Variants in ADGRB3 observed in about 807,000 individuals in gnomAD.
ADGRB3 encodes adhesion G protein-coupled receptor B3, also known as brain-specific angiogenesis inhibitor 3.
Under a neutral mutation model 193.4 loss-of-function variants are expected in ADGRB3, and 37 were observed. That is an observed-to-expected ratio of 0.19 (90% CI 0.15 to 0.25). The LOEUF (loss-of-function observed/expected upper bound fraction) is 0.25, where lower values mean the gene tolerates loss of function less well. ADGRB3 is among the 10% of genes least tolerant of loss of function. ADGRB3 has a pLI of 1.00. For synonymous variants in ADGRB3, 690 were observed against 644.2 expected, an observed-to-expected ratio of 1.07 and a Z score of -1.08; for missense variants, 1,637 against 1,852.9, an observed-to-expected ratio of 0.88 and a Z score of 2.14.
intron 20 of ADGRB3, among the ~76,000 whole-genome samples, chr6:69,305,580 A>C (rs193096087): frequency 3.9e-4 from 59 of 151,414 alleles, no homozygotes; most frequent in East Asian, 1.4e-3. Flanking sequence ...AATTAAGAGT[A>C]GTATATCTGA....
intron 17 of ADGRB3, among the ~76,000 whole-genome samples, chr6:69,229,747 T>A (rs1169514738): frequency 6.6e-6 from 1 of 152,194 alleles, no homozygotes; most frequent in Non-Finnish European, 1.5e-5. Flanking sequence ...CTTTTCTCTT[T>A]AATTTTAAAT....
chr6:68,759,590 T>A lies in ADGRB3; in HGVS notation c.757+120158T>A, dbSNP rs371031103. On this transcript the variant is annotated intron_variant, in intron 3 of 31. Coordinates refer to ENST00000370598, the MANE Select transcript of ADGRB3 (RefSeq NM_001704.3). ...TAGAAATTGCCCTTACATTCTCACA[T>A]GGCCTGATTTTATATAAAATTGAGG... 4.6e-5 allele frequency among the ~76,000 whole-genome samples: 7 copies of A among 152,146 alleles called. No individual in the cohort carries two copies. The East Asian group carries it at 5.8e-4, about 13-fold the overall frequency.
At chr6:69,122,323 C>A (rs1773729848) in intron 17 of ADGRB3, among the ~76,000 whole-genome samples, 1 of 151,500 alleles carries the variant, frequency 6.6e-6, no homozygotes, top group African/African-American at 2.4e-5. Context: ...GTGGCACGCG[C>A]CTGTAATCCC....
Position 69,233,373 on chromosome 6 carries a change from G to GTC in ADGRB3, c.2570_2571dup (p.Thr858LeufsTer13), listed in dbSNP as rs779524838. On this transcript the variant is annotated frameshift_variant, in exon 18 of 32. Coordinates refer to ENST00000370598, the MANE Select transcript of ADGRB3 (RefSeq NM_001704.3). LOFTEE classifies it high-confidence loss of function. The stretch of plus-strand genomic sequence containing the variant: ...TCCCATACGAAATGCTTATGTGATC[G>GTC]TCTCTCTACCTTCGCCATTTTGGCT... 1 of 1,614,006 alleles carries GTC rather than the reference G, an allele frequency of 6.2e-7. No homozygotes were observed. Among genetic ancestry groups the GTC allele is most frequent in the Non-Finnish European group, 8.5e-7 (1 of 1,179,992 alleles).
intron 13 of ADGRB3, among the ~76,000 whole-genome samples, chr6:69,031,293 A>G (rs959659941): frequency 4.6e-5 from 7 of 151,258 alleles, no homozygotes; most frequent in Non-Finnish European, 1.0e-4. Flanking sequence ...ACAAAAATTT[A>G]ACCGGGCGCA....
In ADGRB3 at chr6:69,269,711, G is replaced by A. The variant is rs1767131487; in HGVS notation, c.2814+30485G>A. Among the ~76,000 whole-genome samples the A allele has an allele frequency of 3.3e-5, 5 of 151,994 alleles. 1 individual carries two copies. Among genetic ancestry groups the A allele is most frequent in the South Asian group, 2.1e-4 (1 of 4,832 alleles). On this transcript the variant is annotated intron_variant, in intron 20 of 31. Transcript: ENST00000370598. Reference sequence around the variant, plus strand: ...TGATTTCATAGGTAACGACTAAAACGTGAACCAAGAAGTGAAATTTATTAT... The same window carrying A: ...TGATTTCATAGGTAACGACTAAAACATGAACCAAGAAGTGAAATTTATTAT...
At chr6:68,796,760 T>C (rs1767216368) in intron 3 of ADGRB3, among the ~76,000 whole-genome samples, 1 of 152,118 alleles carries the variant, frequency 6.6e-6, no homozygotes, top group African/African-American at 2.4e-5. Context: ...TGAAATAAAA[T>C]AGAATGAGTT....
chr6:68,691,948 G>T (rs1462294416), intron 3 of ADGRB3, among the ~76,000 whole-genome samples: 2 of 151,434 alleles, frequency 1.3e-5, no homozygotes, highest in African/African-American at 2.4e-5. Flanking sequence ...TTATTAACAG[G>T]TACTAATGAA....
chr6:68,795,850 T>C (rs1032623605), intron 3 of ADGRB3, among the ~76,000 whole-genome samples: 1 of 152,156 alleles, frequency 6.6e-6, no homozygotes, highest in African/African-American at 2.4e-5. Flanking sequence ...AGCATTTGTT[T>C]CATTTTAAAA....
At chr6:68,881,635 AG>A (rs750986267) in intron 3 of ADGRB3, among the ~76,000 whole-genome samples, 2 of 152,206 alleles carry the variant, frequency 1.3e-5, no homozygotes, top group Non-Finnish European at 2.9e-5. Context: ...GTCGGGAACA[AG>A]TGGCTATGGG....
At chr6:68,740,000 C>T in intron 3 of ADGRB3, among the ~76,000 whole-genome samples, 1 of 151,734 alleles carries the variant, frequency 6.6e-6, no homozygotes, top group Middle Eastern at 3.4e-3. Context: ...ACAGGTACAA[C>T]ATTATTATTA....
At chr6:69,186,724 T>C (rs1342140092) in intron 17 of ADGRB3, among the ~76,000 whole-genome samples, 1 of 152,138 alleles carries the variant, frequency 6.6e-6, no homozygotes, top group Non-Finnish European at 1.5e-5. Flanking sequence ...TTCAGATATA[T>C]ACCAACACCA....
rs1352693449 is a variant in ADGRB3, at chr6:68,717,928, A to G, written c.757+78496A>G. Among the ~76,000 whole-genome samples, 6 of 151,654 alleles carry G rather than the reference A, an allele frequency of 4.0e-5. No homozygotes were observed. The South Asian group carries it at 8.3e-4, about 21-fold the overall frequency. On this transcript the variant is annotated intron_variant, in intron 3 of 31. Coordinates refer to ENST00000370598, the MANE Select transcript of ADGRB3 (RefSeq NM_001704.3). The stretch of plus-strand genomic sequence containing the variant: ...AAGAATAACTGATGGATAAAATCTC[A>G]ATGTTGAAACGATATAATGAACACA...
At chr6:69,228,797 A>C (rs1260932993) in intron 17 of ADGRB3, among the ~76,000 whole-genome samples, 1 of 152,178 alleles carries the variant, frequency 6.6e-6, no homozygotes, top group Non-Finnish European at 1.5e-5. Flanking sequence ...ATTACAATAA[A>C]AGTTTAGCAT....
At chr6:68,999,910 TG>T (rs1769515679) in intron 11 of ADGRB3, among the ~76,000 whole-genome samples, 1 of 152,146 alleles carries the variant, frequency 6.6e-6, no homozygotes, top group Non-Finnish European at 1.5e-5. Flanking sequence ...GAACTTACAT[TG>T]TTTCACAAAA....
At chr6:68,782,543 G>A (rs927154501) in intron 3 of ADGRB3, among the ~76,000 whole-genome samples, 8 of 152,010 alleles carry the variant, frequency 5.3e-5, no homozygotes, top group Non-Finnish European at 1.0e-4. Context: ...CTGAGGAATC[G>A]CCACACTGAC....
Position 68,635,357 on chromosome 6 carries a change from A to G in ADGRB3, c.-831A>G, listed in dbSNP as rs1395410967. ...TCTCGCGCCTCCCTCCTCGCTGGGCATTCAAACAGCTTTCCGACATCACCA... is the reference window on the plus strand; with the variant it reads ...TCTCGCGCCTCCCTCCTCGCTGGGCGTTCAAACAGCTTTCCGACATCACCA... On this transcript the variant is annotated 5_prime_UTR_variant, in exon 1 of 32. Transcript: ENST00000370598. The G allele has an allele frequency of 2.6e-5, 4 of 152,010 alleles. No homozygotes were observed. Among genetic ancestry groups the G allele is most frequent in the African/African-American group, 7.3e-5 (3 of 41,340 alleles). 9.4% of individuals were successfully genotyped at this position (152,010 alleles called of 1,614,324 possible).
intron 3 of ADGRB3, among the ~76,000 whole-genome samples, chr6:68,715,205 A>C (rs1385291621): frequency 6.6e-6 from 1 of 151,604 alleles, no homozygotes; most frequent in Non-Finnish European, 1.5e-5. Context: ...AAATTGCATC[A>C]GAGACTTGAC....
intron 16 of ADGRB3, among the ~76,000 whole-genome samples, chr6:69,065,384 T>A (rs544529234): frequency 1.3e-4 from 20 of 152,314 alleles, no homozygotes; most frequent in Admixed American, 1.2e-3. Context: ...TCTGGGCTGC[T>A]CTGGACTCTT....
Sources: gnomAD v4.1 joint callset for allele counts (sites outside exome capture counted in the v4.1 genomes callset) on GRCh38, gnomAD v4.1.1 for gene constraint, MANE v1.5 for transcripts, NCBI Gene and HGNC (gene_info 2026-07-23, HGNC 2026-07-21) for gene names.